Variants in HS6ST3 observed in about 807,000 individuals in gnomAD.
The protein encoded by HS6ST3 is heparan-sulfate 6-O-sulfotransferase 3.
In HS6ST3, 12 loss-of-function variants were observed where a neutral mutation model predicts 36.7. That is an observed-to-expected ratio of 0.33 (90% CI 0.21 to 0.53). The LOEUF (loss-of-function observed/expected upper bound fraction) is 0.53, where lower values mean the gene tolerates loss of function less well. Ranked by LOEUF, HS6ST3 falls within the 20% of genes least tolerant of loss-of-function variation. The probability of loss-of-function intolerance (pLI) is 0.95; values close to 1 mark genes in which losing one functional copy is unlikely to be tolerated. For missense variants in HS6ST3, 584 were observed against 640.9 expected (o/e 0.91, Z 0.96); for synonymous variants, 240 against 257.5 (o/e 0.93, Z 0.65).
At chr13:96,555,680 T>C (rs556371520) in intron 1 of HS6ST3, among the ~76,000 whole-genome samples, 10 of 152,192 alleles carry the variant, frequency 6.6e-5, no homozygotes, top group Non-Finnish European at 1.5e-4. Context: ...ATTTAGACTC[T>C]CCTGTTGGGT....
At chr13:96,692,715 A>T (rs1874999992) in intron 1 of HS6ST3, among the ~76,000 whole-genome samples, 1 of 152,162 alleles carries the variant, frequency 6.6e-6, no homozygotes, top group Non-Finnish European at 1.5e-5. Flanking sequence ...TTTCTGGAAT[A>T]GCTTTTATTG....
chr13:96,475,899 G>A (rs2055862085), intron 1 of HS6ST3, among the ~76,000 whole-genome samples: 1 of 152,058 alleles, frequency 6.6e-6, no homozygotes. Context: ...ACCCTCACAT[G>A]GCTAAAAGGA....
chr13:96,764,486 T>C (rs1008084575), intron 1 of HS6ST3, among the ~76,000 whole-genome samples: 1 of 152,210 alleles, frequency 6.6e-6, no homozygotes, highest in Non-Finnish European at 1.5e-5. Context: ...CTTGCTAACA[T>C]AGCGATAAAA....
chr13:96,377,536 TAGC>T (rs1456956408), intron 1 of HS6ST3, among the ~76,000 whole-genome samples: 4 of 152,200 alleles, frequency 2.6e-5, no homozygotes, highest in Non-Finnish European at 4.4e-5. Flanking sequence ...TGAGCACTAA[TAGC>T]AGCAGTTGTA....
chr13:96,535,406 A>C lies in HS6ST3; in HGVS notation c.708-297084A>C, dbSNP rs117066018. Among the ~76,000 whole-genome samples the C allele has an allele frequency of 4.9e-4, 75 of 151,934 alleles. No homozygotes were observed. The East Asian group carries it at 0.013, about 26-fold the overall frequency. ...CCTGTCTCTACTAAAAAAATACTAA[A>C]AATTAGCTGAGCATGGTGGCACATG... On this transcript the variant is annotated intron_variant, in intron 1 of 1. Coordinates refer to ENST00000376705, the MANE Select transcript of HS6ST3 (RefSeq NM_153456.4).
At chr13:96,327,640 T>C (rs2055040138) in intron 1 of HS6ST3, among the ~76,000 whole-genome samples, 1 of 151,436 alleles carries the variant, frequency 6.6e-6, no homozygotes, top group African/African-American at 2.4e-5. Flanking sequence ...TTCTTTTGGC[T>C]TAGGATTGAC....
chr13:96,737,594 C>T (rs1039296186), intron 1 of HS6ST3, among the ~76,000 whole-genome samples: 1 of 136,844 alleles, frequency 7.3e-6, no homozygotes, highest in Non-Finnish European at 1.5e-5. Context: ...CACTGCAGTC[C>T]GCAGTCCGGC....
intron 1 of HS6ST3, among the ~76,000 whole-genome samples, chr13:96,546,314 G>C (rs551127321): frequency 6.7e-6 from 1 of 148,582 alleles, no homozygotes; most frequent in Non-Finnish European, 1.5e-5. Flanking sequence ...TTACAGGGGC[G>C]TGTGTGTGTG....
At chr13:96,363,766 A>G (rs1260384252) in intron 1 of HS6ST3, among the ~76,000 whole-genome samples, 3 of 152,190 alleles carry the variant, frequency 2.0e-5, no homozygotes, top group African/African-American at 7.2e-5. Flanking sequence ...GAGAGAAACA[A>G]AAGATGAGAA....
chr13:96,656,560 C>CAA (rs2056625588), intron 1 of HS6ST3, among the ~76,000 whole-genome samples: 1 of 152,088 alleles, frequency 6.6e-6, no homozygotes, highest in Non-Finnish European at 1.5e-5. Context: ...ATGATGAAAA[C>CAA]AAAATATGTT....
intron 1 of HS6ST3, among the ~76,000 whole-genome samples, chr13:96,140,297 C>T (rs1303325939): frequency 1.3e-5 from 2 of 152,114 alleles, no homozygotes; most frequent in African/African-American, 2.4e-5. Context: ...TTGTAACCAC[C>T]TTCTATGGCT....
At chr13:96,764,538 C>T (rs980529953) in intron 1 of HS6ST3, among the ~76,000 whole-genome samples, 2 of 152,224 alleles carry the variant, frequency 1.3e-5, no homozygotes, top group African/African-American at 2.4e-5. Flanking sequence ...CTCATTCTCT[C>T]AGCATCGATT....
At chr13:96,793,822 G>T (rs990622303) in intron 1 of HS6ST3, among the ~76,000 whole-genome samples, 13 of 151,956 alleles carry the variant, frequency 8.6e-5, no homozygotes, top group Admixed American at 8.5e-4. Flanking sequence ...AAACAAAAAT[G>T]TATACAATCA....
chr13:96,405,099 CT>C (rs1555303270), intron 1 of HS6ST3, among the ~76,000 whole-genome samples: 2 of 152,160 alleles, frequency 1.3e-5, no homozygotes, highest in Non-Finnish European at 2.9e-5. Context: ...CCAATTAAAC[CT>C]CTTTCTTTTG....
chr13:96,380,638 A>G (rs2055336468), intron 1 of HS6ST3, among the ~76,000 whole-genome samples: 1 of 152,204 alleles, frequency 6.6e-6, no homozygotes, highest in Admixed American at 6.5e-5. Context: ...TTGTATAAAA[A>G]CTGTAAATTC....
chr13:96,259,503 A>G (rs894719002), intron 1 of HS6ST3, among the ~76,000 whole-genome samples: 1 of 152,192 alleles, frequency 6.6e-6, no homozygotes, highest in African/African-American at 2.4e-5. Context: ...TTGGATGTAA[A>G]ATCTAGACAA....
At chr13:96,407,130 A>G (rs1231927621) in intron 1 of HS6ST3, among the ~76,000 whole-genome samples, 1 of 152,124 alleles carries the variant, frequency 6.6e-6, no homozygotes, top group East Asian at 1.9e-4. Context: ...GTTAATATTA[A>G]AACTTAATGC....
At chr13:96,678,595 A>C (rs1330497995) in intron 1 of HS6ST3, among the ~76,000 whole-genome samples, 2 of 152,018 alleles carry the variant, frequency 1.3e-5, no homozygotes, top group Non-Finnish European at 2.9e-5. Flanking sequence ...AATTGCTTGA[A>C]TCCAGGAGGC....
At chr13:96,178,868 C>G (rs1053135573) in intron 1 of HS6ST3, among the ~76,000 whole-genome samples, 3 of 152,136 alleles carry the variant, frequency 2.0e-5, no homozygotes, top group African/African-American at 4.8e-5. Flanking sequence ...CTGGATCTTT[C>G]ATTTAGATTA....
Sources: gnomAD v4.1 joint callset for allele counts (sites outside exome capture counted in the v4.1 genomes callset) on GRCh38, gnomAD v4.1.1 for gene constraint, MANE v1.5 for transcripts, NCBI Gene and HGNC (gene_info 2026-07-23, HGNC 2026-07-21) for gene names.